Variants in FHIT observed in about 807,000 individuals in gnomAD.
FHIT encodes the protein bis(5'-adenosyl)-triphosphatase.
In FHIT, 19 loss-of-function variants were observed where a neutral mutation model predicts 17.9. That is an observed-to-expected ratio of 1.06 (90% confidence interval 0.74 to 1.56). The LOEUF (loss-of-function observed/expected upper bound fraction) is 1.56. FHIT is among the 40% of genes most tolerant of loss of function. The pLI is 0.00. For synonymous variants in FHIT, 81 were observed against 69.7 expected (o/e 1.16, Z -0.81); for missense variants, 248 against 189.2 (o/e 1.31, Z -1.82).
chr3:61,191,092 T>A (rs554903169), intron 2 of FHIT, among the ~76,000 whole-genome samples: 27 of 151,426 alleles, frequency 1.8e-4, no homozygotes, highest in African/African-American at 5.8e-4. Flanking sequence ...AAAAAAAAAA[T>A]AAAATAAAAA....
chr3:60,139,977 C>A (rs1209421191), intron 5 of FHIT, among the ~76,000 whole-genome samples: 1 of 152,058 alleles, frequency 6.6e-6, no homozygotes, highest in East Asian at 1.9e-4. Flanking sequence ...CAAAAATTAG[C>A]CGGGCATGGT....
intron 5 of FHIT, among the ~76,000 whole-genome samples, chr3:60,225,179 A>G (rs1704138819): frequency 6.6e-6 from 1 of 152,176 alleles, no homozygotes; most frequent in African/African-American, 2.4e-5. Context: ...TTCACAGACC[A>G]TATATGCCAT....
chr3:59,982,325 TCCC>T (rs1304002117), intron 7 of FHIT, among the ~76,000 whole-genome samples: 19 of 151,568 alleles, frequency 1.3e-4, no homozygotes, highest in African/African-American at 4.6e-4. Flanking sequence ...CAACAAAAAA[TCCC>T]CCAAGAAACT....
At chr3:60,343,209 T>C (rs866010709) in intron 5 of FHIT, among the ~76,000 whole-genome samples, 1 of 152,140 alleles carries the variant, frequency 6.6e-6, no homozygotes, top group African/African-American at 2.4e-5. Context: ...TACTAATATT[T>C]TGGAGGAGAT....
chr3:60,772,154 GAA>G (rs71092632), intron 4 of FHIT, among the ~76,000 whole-genome samples: 27 of 149,452 alleles, frequency 1.8e-4, no homozygotes, highest in Non-Finnish European at 8.9e-5. Flanking sequence ...TTCTTCAGAA[GAA>G]AAAAAAAAAG....
rs556169351 is a variant in FHIT, at chr3:60,521,393, G to A, written c.103+15467C>T. On this transcript the variant is annotated intron_variant, in intron 5 of 9. Coordinates refer to ENST00000492590, the MANE Select transcript of FHIT (RefSeq NM_002012.4). ...CTCCCGAGTAGCTGGGACTACAGGC[G>A]CCCGCCACCACACCCAGCTAATTTT... Among the ~76,000 whole-genome samples the A allele has an allele frequency of 4.3e-4, 65 of 152,080 alleles. 1 individual carries two copies. The South Asian group carries it at 9.6e-3, about 22-fold the overall frequency.
chr3:60,183,298 T>C (rs1702021436), intron 5 of FHIT, among the ~76,000 whole-genome samples: 1 of 152,130 alleles, frequency 6.6e-6, no homozygotes, highest in Non-Finnish European at 1.5e-5. Flanking sequence ...CTTGGGAGGC[T>C]TAGGCAGGAG....
At chr3:60,386,008 G>T (rs1700996247) in intron 5 of FHIT, among the ~76,000 whole-genome samples, 1 of 152,144 alleles carries the variant, frequency 6.6e-6, no homozygotes, top group South Asian at 2.1e-4. Flanking sequence ...TATGTAGCAG[G>T]TGCTTCTGAG....
chr3:60,613,114 C>T (rs548905164), intron 4 of FHIT, among the ~76,000 whole-genome samples: 2 of 152,298 alleles, frequency 1.3e-5, no homozygotes, highest in South Asian at 4.1e-4. Context: ...CCAGAAGTTT[C>T]TTTTTCATCA....
chr3:60,784,274 A>G (rs1426998886), intron 4 of FHIT, among the ~76,000 whole-genome samples: 1 of 151,924 alleles, frequency 6.6e-6, no homozygotes, highest in African/African-American at 2.4e-5. Flanking sequence ...AGCTGTGTCC[A>G]TCCTCTGAAA....
chr3:60,028,377 C>T (rs1239731861), intron 5 of FHIT, among the ~76,000 whole-genome samples: 1 of 152,220 alleles, frequency 6.6e-6, no homozygotes, highest in Non-Finnish European at 1.5e-5. Flanking sequence ...AGCTCCACTA[C>T]TAGCTCTTCA....
intron 8 of FHIT, among the ~76,000 whole-genome samples, chr3:59,915,073 T>G (rs535681502): frequency 4.4e-4 from 67 of 152,298 alleles, no homozygotes; most frequent in African/African-American, 1.6e-3. Context: ...GCAGCCACTG[T>G]GAGACTGAGA....
chr3:60,488,535 A>G (rs527679275), intron 5 of FHIT, among the ~76,000 whole-genome samples: 48 of 152,218 alleles, frequency 3.2e-4, no homozygotes, highest in African/African-American at 1.2e-3. Context: ...GGATCTAGAC[A>G]TTGGTTCTGT....
At chr3:60,129,994 C>T (rs544807610) in intron 5 of FHIT, among the ~76,000 whole-genome samples, 1 of 152,256 alleles carries the variant, frequency 6.6e-6, no homozygotes, top group South Asian at 2.1e-4. Context: ...TTCTCTCGCT[C>T]ACCTACATAC....
At chr3:60,386,027 C>G (rs969129804) in intron 5 of FHIT, among the ~76,000 whole-genome samples, 1 of 152,118 alleles carries the variant, frequency 6.6e-6, no homozygotes, top group Non-Finnish European at 1.5e-5. Flanking sequence ...AGTGCCATAC[C>G]CAGGGTAACT....
chr3:60,385,805 T>C (rs1219667003), intron 5 of FHIT, among the ~76,000 whole-genome samples: 1 of 152,056 alleles, frequency 6.6e-6, no homozygotes, highest in Non-Finnish European at 1.5e-5. Flanking sequence ...CTTGAACTCC[T>C]GAACTCAATG....
intron 1 of FHIT, among the ~76,000 whole-genome samples, chr3:61,229,454 T>C (rs2040047063): frequency 6.6e-6 from 1 of 152,192 alleles, no homozygotes; most frequent in Non-Finnish European, 1.5e-5. Context: ...GAAATAAATT[T>C]CTGTTGTTTT....
chr3:60,616,999 C>A, intron 4 of FHIT: 1 of 172,040 alleles, frequency 5.8e-6, no homozygotes. Flanking sequence ...AGACAATGAG[C>A]TTTGGAGAAT....
chr3:60,921,116 A>T (rs1211266732), intron 3 of FHIT, among the ~76,000 whole-genome samples: 1 of 152,200 alleles, frequency 6.6e-6, no homozygotes, highest in Non-Finnish European at 1.5e-5. Context: ...CAGTCTAAAA[A>T]GTGCTAAGAC....
Sources: gnomAD v4.1 joint callset for allele counts (sites outside exome capture counted in the v4.1 genomes callset) on GRCh38, gnomAD v4.1.1 for gene constraint, MANE v1.5 for transcripts, NCBI Gene and HGNC (gene_info 2026-07-23, HGNC 2026-07-21) for gene names.